LRR1: variants seen among roughly 807,000 people sequenced by gnomAD.
The protein encoded by LRR1 is leucine-rich repeat protein 1.
In LRR1, 29 loss-of-function variants were observed where a neutral mutation model predicts 31.6. The observed-to-expected ratio is 0.92, with a 90% confidence interval of 0.68 to 1.25. LRR1 has a LOEUF of 1.25. LRR1 is among the 50% of genes most tolerant of loss of function. LRR1 has a pLI of 0.00. For missense variants in LRR1, 485 were observed against 487.2 expected (o/e 1.00, Z 0.04); for synonymous variants, 179 against 181.4 (o/e 0.99, Z 0.10).
intron 3 of LRR1, 148 bp from the exon 4 acceptor site, chr14:49,614,108 A>G: frequency 1.3e-6 from 1 of 768,366 alleles, no homozygotes; most frequent in African/African-American, 1.8e-5. Context: ...TGAAGTTTAC[A>G]ATATGTCATA....
intron 1 of LRR1, 70 bp downstream of exon 1, chr14:49,599,273 T>C: frequency 6.8e-7 from 1 of 1,468,588 alleles, no homozygotes. Flanking sequence ...CCACCCTCGG[T>C]CCTCATGCTC....
chr14:49,612,065 G>A (rs1329565739), intron 3 of LRR1, among the ~76,000 whole-genome samples: 1 of 152,202 alleles, frequency 6.6e-6, no homozygotes, highest in Non-Finnish European at 1.5e-5. Context: ...AAAACATGCT[G>A]AAGTCCAACA....
chr14:49,601,027 A>G, intron 1 of LRR1: 5 of 1,610,824 alleles, frequency 3.1e-6, no homozygotes, highest in Non-Finnish European at 4.2e-6. Flanking sequence ...CTTGTATGTA[A>G]GTTGCTTTCT....
chr14:49,603,681 C>G, intron 2 of LRR1: 1 of 674,892 alleles, frequency 1.5e-6, no homozygotes, highest in African/African-American at 3.2e-5. Flanking sequence ...GTAATCATTC[C>G]TTTTTTTTTT....
Position 49,607,422 on chromosome 14 carries a change from G to T in LRR1, c.305G>T (p.Gly102Val). 2 of 1,577,912 alleles carry T rather than the reference G, an allele frequency of 1.3e-6. No individual in the cohort carries two copies. Among genetic ancestry groups the T allele is most frequent in the Non-Finnish European group, 1.7e-6 (2 of 1,165,618 alleles). ...LSKAISSSLK[G>V]FLSAMRLAHR... is the part of the protein sequence containing the mutation. ...CAGGCCATTTCCAGCAGTTTAAAAG[G>T]TTTCCTTTCAGCTATGAGACTGGCT... Residue 102 changes from glycine (G) to valine (V), a missense_variant, in exon 3 of 4, where the codon GGT (glycine) becomes GTT (valine). Around this residue, in one of 3 missense-constraint regions of LRR1, gnomAD observed 260 missense variants for 249.6 expected, o/e 1.04. Coordinates refer to ENST00000298288, the MANE Select transcript of LRR1 (RefSeq NM_152329.4).
At chr14:49,600,826 T>A in intron 1 of LRR1, 1 of 821,990 alleles carries the variant, frequency 1.2e-6, no homozygotes, top group Non-Finnish European at 1.9e-6. Context: ...CTATTATAAA[T>A]ACTTTATTTC....
rs376226011 is a variant in LRR1 at position 49,614,242 on chromosome 14, A to T, written c.1005-14A>T. 9.4e-6 allele frequency: 15 copies of T among 1,601,830 alleles called. No homozygotes were observed. The highest frequency in any genetic ancestry group is 1.3e-5 in the African/African-American group (1 of 74,532). ...TAACATGTTATAAAATATTTTTATC[A>T]TTCTTTCCAATAGGATTCCATATGG... is the stretch of plus-strand genomic sequence containing the variant. On this transcript the variant is annotated splice_polypyrimidine_tract_variant and intron_variant, in intron 3 of 3. Transcript: ENST00000298288.
rs762196242 is a variant in LRR1 at position 49,614,397 on chromosome 14, T to C, written c.1146T>C (p.Thr382=). 4 of 1,613,934 alleles carry C rather than the reference T, an allele frequency of 2.5e-6. No homozygotes were observed. Among genetic ancestry groups the C allele is most frequent in the Admixed American group, 1.7e-5 (1 of 60,010 alleles). Residue 382 remains threonine (T), a synonymous_variant, in exon 4 of 4, where the codon ACT becomes ACC. Transcript: ENST00000298288. ...TGAATCTGCATTCTGTTGCCCACAC[T>C]GTGGTCTTAGTAGATAATTTGGGTG... ...TTMNLHSVAH[T]VVLVDNLGGT...
chr14:49,612,534 A>T (rs1265728376), intron 3 of LRR1: 24 of 1,228,974 alleles, frequency 2.0e-5, no homozygotes, highest in Non-Finnish European at 2.5e-5. Context: ...AGAGTTTTTT[A>T]AAAAATGGTT....
chr14:49,613,036 C>G (rs949126040), intron 3 of LRR1, among the ~76,000 whole-genome samples: 1 of 151,924 alleles, frequency 6.6e-6, no homozygotes, highest in Non-Finnish European at 1.5e-5. Flanking sequence ...CCCGTCTCTA[C>G]TAAAAATGCG....
intron 1 of LRR1, chr14:49,601,222 T>TAAA (rs1352349441): frequency 6.9e-7 from 1 of 1,448,378 alleles, no homozygotes; most frequent in Non-Finnish European, 9.2e-7. Flanking sequence ...TGTGCTTTCT[T>TAAA]AAAAAAAATC....
chr14:49,612,671 C>G, intron 3 of LRR1: 1 of 1,023,258 alleles, frequency 9.8e-7, no homozygotes, highest in Non-Finnish European at 1.2e-6. Flanking sequence ...TCAGACTTTT[C>G]TGACAGGGTT....
At chr14:49,612,530 T>C (rs1229780175) in intron 3 of LRR1, 6 of 1,232,962 alleles carry the variant, frequency 4.9e-6, no homozygotes, top group Non-Finnish European at 6.2e-6. Context: ...TGGCAGAGTT[T>C]TTTAAAAAAT....
At chr14:49,600,107 C>G in intron 1 of LRR1, 1 of 1,586,170 alleles carries the variant, frequency 6.3e-7, no homozygotes, top group Non-Finnish European at 8.7e-7. Flanking sequence ...CGGAGGAGTA[C>G]GTGCCCACCG....
intron 3 of LRR1, among the ~76,000 whole-genome samples, chr14:49,609,689 G>A (rs1177219743): frequency 6.6e-6 from 1 of 151,678 alleles, no homozygotes; most frequent in East Asian, 1.9e-4. Context: ...TTACAGGTGT[G>A]AGCCACCGCG....
intron 2 of LRR1, among the ~76,000 whole-genome samples, chr14:49,602,987 C>T (rs1374987091): frequency 1.3e-5 from 2 of 150,224 alleles, no homozygotes; most frequent in Admixed American, 1.3e-4. Context: ...AGACACCCAC[C>T]ACCATGCGTG....
chr14:49,607,906 A>G lies in LRR1; in HGVS notation c.789A>G (p.Gln263=), dbSNP rs1289287711. 3 of 1,613,258 alleles carry G rather than the reference A, an allele frequency of 1.9e-6. No individual in the cohort carries two copies. Among genetic ancestry groups the G allele is most frequent in the Non-Finnish European group, 2.5e-6 (3 of 1,179,466 alleles). ...AACTTGACGATAATGAATTGATTCA[A>G]TTTCCTTGCAAGATAGGACAACTAA... is the stretch of plus-strand genomic sequence containing the variant. ...NLKLDDNELI[Q]FPCKIGQLIN... The change falls in exon 3 of 4, where the codon CAA becomes CAG. Residue 263 remains glutamine (Q), a synonymous_variant. Transcript: ENST00000298288.
At position 49,607,954 on chromosome 14, in the gene LRR1, A is replaced by G. The variant is rs369960708; in HGVS notation, c.837A>G (p.Ala279=). 1.2e-6 allele frequency: 2 copies of G among 1,614,040 alleles called. No individual in the cohort carries two copies. Among genetic ancestry groups the G allele is most frequent in the Non-Finnish European group, 1.7e-6 (2 of 1,179,988 alleles). The part of the protein sequence containing the change: ...GQLINLRFLS[A]ARNKLPFLPS... ...TAATAAACCTTCGCTTTTTGTCAGC[A>G]GCTCGAAATAAGCTTCCATTTTTGC... Residue 279 remains alanine, a synonymous_variant, in exon 3 of 4, where the codon GCA becomes GCG. Transcript: ENST00000298288.
Position 49,607,954 on chromosome 14 carries a change from A to T in LRR1, c.837A>T (p.Ala279=), listed in dbSNP as rs369960708. ...GQLINLRFLS[A]ARNKLPFLPS... is the part of the protein sequence containing the mutation. ...TAATAAACCTTCGCTTTTTGTCAGC[A>T]GCTCGAAATAAGCTTCCATTTTTGC... The change falls in exon 3 of 4, where the codon GCA becomes GCT. Residue 279 remains alanine (A), a synonymous_variant. Transcript: ENST00000298288. 6.2e-7 allele frequency: 1 copy of T among 1,613,922 alleles called. No homozygotes were observed. Among genetic ancestry groups the T allele is most frequent in the East Asian group, 2.2e-5 (1 of 44,904 alleles).
Sources: allele counts gnomAD v4.1 joint callset (sites outside exome capture counted in the v4.1 genomes callset), GRCh38; gene constraint gnomAD v4.1.1; regional missense constraint gnomAD v4.1.1; transcripts MANE v1.5; gene names NCBI Gene and HGNC (gene_info 2026-07-23, HGNC 2026-07-21).